Variants in NOS1AP observed in about 807,000 individuals in gnomAD.
NOS1AP encodes the protein nitric oxide synthase 1 adaptor protein.
Under a neutral mutation model 56.2 loss-of-function variants are expected in NOS1AP, and 21 were observed. The ratio of observed to expected loss-of-function variants is 0.37; its 90% CI spans 0.26 to 0.54. The LOEUF is 0.54. NOS1AP is among the 20% of genes least tolerant of loss of function. NOS1AP has a pLI of 0.84. For synonymous variants in NOS1AP, 270 were observed against 274.6 expected, an observed-to-expected ratio of 0.98 and a Z score of 0.17; for missense variants, 522 against 657.8, an observed-to-expected ratio of 0.79 and a Z score of 2.26.
chr1:162,174,539 C>A (rs1162077038), intron 2 of NOS1AP, among the ~76,000 whole-genome samples: 3 of 151,902 alleles, frequency 2.0e-5, no homozygotes, highest in Admixed American at 6.6e-5. Context: ...TGCACATGTA[C>A]CCTAAAACTT....
intron 2 of NOS1AP, among the ~76,000 whole-genome samples, chr1:162,160,053 C>T (rs1650137544): frequency 6.6e-6 from 1 of 152,164 alleles, no homozygotes; most frequent in Non-Finnish European, 1.5e-5. Context: ...AAACGTGGTG[C>T]AGCCTCTGGT....
intron 1 of NOS1AP, among the ~76,000 whole-genome samples, chr1:162,106,989 CA>C (rs5778246): frequency 0.12 from 17,583 of 152,074 alleles, 2,262 homozygotes; most frequent in African/African-American, 0.32. Flanking sequence ...TTTGTAGTAG[CA>C]AAAAGCTGCA....
chr1:162,229,537 T>C (rs1360154103), intron 2 of NOS1AP, among the ~76,000 whole-genome samples: 1 of 152,210 alleles, frequency 6.6e-6, no homozygotes, highest in African/African-American at 2.4e-5. Context: ...TGTTAGGTGC[T>C]TGAAGCCTGA....
intron 2 of NOS1AP, among the ~76,000 whole-genome samples, chr1:162,164,403 T>C (rs1650379779): frequency 3.3e-5 from 5 of 152,234 alleles, no homozygotes. Context: ...CACTTGTAAG[T>C]GTACAACTCA....
intron 4 of NOS1AP, among the ~76,000 whole-genome samples, chr1:162,328,232 G>C (rs137931916): frequency 2.6e-5 from 4 of 152,262 alleles, no homozygotes; most frequent in Admixed American, 6.5e-5. Context: ...AGTGGGGAGG[G>C]CATCAGGAAG....
At chr1:162,175,947 T>C (rs1350676643) in intron 2 of NOS1AP, among the ~76,000 whole-genome samples, 1 of 152,192 alleles carries the variant, frequency 6.6e-6, no homozygotes, top group Non-Finnish European at 1.5e-5. Context: ...CGTTAACCCA[T>C]ACCCCCATTG....
At chr1:162,157,533 A>G (rs768464318) in intron 2 of NOS1AP, among the ~76,000 whole-genome samples, 8 of 152,228 alleles carry the variant, frequency 5.3e-5, no homozygotes, top group Admixed American at 1.3e-4. Flanking sequence ...CCAGGCTAAC[A>G]TTGGGCAGGC....
intron 2 of NOS1AP, among the ~76,000 whole-genome samples, chr1:162,208,150 C>G (rs888464222): frequency 6.5e-4 from 99 of 152,206 alleles, no homozygotes; most frequent in East Asian, 1.9e-4. Flanking sequence ...TCAGCTCAGC[C>G]CTTTCACCTG....
At chr1:162,294,174 A>AGGAC (rs1655365484) in intron 3 of NOS1AP, among the ~76,000 whole-genome samples, 2 of 29,594 alleles carry the variant, frequency 6.8e-5, no homozygotes, top group African/African-American at 1.5e-4. Flanking sequence ...GAAGGCAGGT[A>AGGAC]GGAAGGAAGG....
intron 6 of NOS1AP, among the ~76,000 whole-genome samples, chr1:162,344,503 C>A (rs1657210880): frequency 6.6e-6 from 1 of 151,964 alleles, no homozygotes; most frequent in Non-Finnish European, 1.5e-5. Flanking sequence ...CAAGACTAGC[C>A]TGGCCAACAT....
At chr1:162,345,194 T>A (rs987086147) in intron 6 of NOS1AP, among the ~76,000 whole-genome samples, 10 of 151,940 alleles carry the variant, frequency 6.6e-5, no homozygotes, top group African/African-American at 2.4e-4. Context: ...TTAGGGTACA[T>A]GTGCACATTG....
At chr1:162,128,400 T>C (rs1205342249) in intron 1 of NOS1AP, among the ~76,000 whole-genome samples, 1 of 152,180 alleles carries the variant, frequency 6.6e-6, no homozygotes, top group Non-Finnish European at 1.5e-5. Context: ...TTCAGTTGAA[T>C]TGTTATTTCA....
At chr1:162,344,138 A>G (rs1657201178) in intron 6 of NOS1AP, among the ~76,000 whole-genome samples, 162 bp downstream of exon 6, 1 of 152,194 alleles carries the variant, frequency 6.6e-6, no homozygotes, top group Admixed American at 6.5e-5. Context: ...AACACGTATT[A>G]CTTTTATAAC....
intron 2 of NOS1AP, among the ~76,000 whole-genome samples, chr1:162,179,850 T>C (rs1402569965): frequency 6.6e-6 from 1 of 152,170 alleles, no homozygotes; most frequent in Non-Finnish European, 1.5e-5. Context: ...TATTGGTAGA[T>C]TTTTAGCAGA....
At chr1:162,140,237 TCC>T (rs1423134803) in intron 1 of NOS1AP, among the ~76,000 whole-genome samples, 1 of 152,194 alleles carries the variant, frequency 6.6e-6, no homozygotes, top group Non-Finnish European at 1.5e-5. Flanking sequence ...ATTCCCTGGT[TCC>T]TTTTGTATTC....
chr1:162,124,560 T>C (rs1648395528), intron 1 of NOS1AP, among the ~76,000 whole-genome samples: 2 of 151,998 alleles, frequency 1.3e-5, no homozygotes, highest in South Asian at 4.2e-4. Flanking sequence ...TTTGCTCTTG[T>C]AGTCCAGGCT....
At chr1:162,223,480 C>A (rs1652850528) in intron 2 of NOS1AP, among the ~76,000 whole-genome samples, 1 of 152,012 alleles carries the variant, frequency 6.6e-6, no homozygotes, top group African/African-American at 2.4e-5. Context: ...AGAAAGGCTT[C>A]TGGGGTCAAG....
chr1:162,125,815 C>G (rs2225845), intron 1 of NOS1AP, among the ~76,000 whole-genome samples: 1 of 151,834 alleles, frequency 6.6e-6, no homozygotes, highest in Non-Finnish European at 1.5e-5. Flanking sequence ...GAAAAACTAT[C>G]TTGATATTTT....
rs1657795817 is a variant in NOS1AP at position 162,358,936 on chromosome 1, A to G, written c.939+1800A>G. Among the ~76,000 whole-genome samples, 3 of 152,316 alleles carry G rather than the reference A, an allele frequency of 2.0e-5. No individual in the cohort carries two copies. The South Asian group carries it at 6.2e-4, about 32-fold the overall frequency. On this transcript the variant is annotated intron_variant, in intron 8 of 9. Transcript: ENST00000361897. ...TTGTGGCGGTGGAAGGAAGCATTCAATCTCCAAAGCAACAAGACATGTAAC... is the reference window on the plus strand; with the variant it reads ...TTGTGGCGGTGGAAGGAAGCATTCAGTCTCCAAAGCAACAAGACATGTAAC...
Sources: gnomAD v4.1 joint callset for allele counts (sites outside exome capture counted in the v4.1 genomes callset) on GRCh38, gnomAD v4.1.1 for gene constraint, MANE v1.5 for transcripts, NCBI Gene and HGNC (gene_info 2026-07-23, HGNC 2026-07-21) for gene names.